The following GPR19 variants were observed in gnomAD, a reference collection of about 807,000 sequenced individuals.
GPR19 encodes the protein probable G protein-coupled receptor 19.
GPR19 carries 14 observed loss-of-function variants against 28.5 expected under a neutral mutation model. That is an observed-to-expected ratio of 0.49 (90% CI 0.32 to 0.77). The LOEUF (loss-of-function observed/expected upper bound fraction) is 0.77, where lower values mean the gene tolerates loss of function less well. Ranked by LOEUF, GPR19 falls within the 30% of genes least tolerant of loss-of-function variation. The pLI is 0.03. For missense variants in GPR19, 409 were observed against 504.1 expected, an observed-to-expected ratio of 0.81 and a Z score of 1.81; for synonymous variants, 173 against 184.1, an observed-to-expected ratio of 0.94 and a Z score of 0.49.
At chr12:12,677,753 T>C (rs1945953546) in intron 3 of GPR19, among the ~76,000 whole-genome samples, 1 of 152,110 alleles carries the variant, frequency 6.6e-6, no homozygotes. Flanking sequence ...TTCAATCCTC[T>C]CTGCATTTCA....
intron 2 of GPR19, among the ~76,000 whole-genome samples, chr12:12,685,713 C>G (rs1946088784): frequency 6.6e-6 from 1 of 152,176 alleles, no homozygotes; most frequent in Non-Finnish European, 1.5e-5. Flanking sequence ...GTTACTCTCC[C>G]CATCCTCCAC....
rs2136315411 is a variant in GPR19 at position 12,661,608 on chromosome 12, A to C, written c.841T>G (p.Leu281Val). The change falls in exon 4 of 4, where the codon TTA (leucine) becomes GTA (valine). Residue 281 changes from leucine to valine, a missense_variant. By Grantham distance (32) the Leu-to-Val change is conservative (BLOSUM62 1). Transcript: ENST00000651487. This position sits in a 1 kb window ranked among gnomAD's most constrained non-coding sequence, Gnocchi z 4.2. ...CAGGAGAGCAAAAACAACAGATTTA[A>C]AATGAGGAACATCTTGATAGTTTTC... ...KVKTIKMFLILNLLFLLSWLP... is the reference protein window; with the variant it reads ...KVKTIKMFLIVNLLFLLSWLP... 6.2e-7 allele frequency: 1 copy of C among 1,614,128 alleles called. No individual in the cohort carries two copies. The highest frequency in any genetic ancestry group is 8.5e-7 in the Non-Finnish European group (1 of 1,179,952).
intron 3 of GPR19, among the ~76,000 whole-genome samples, chr12:12,680,638 C>G (rs1566153093): frequency 6.6e-6 from 1 of 152,034 alleles, no homozygotes; most frequent in Non-Finnish European, 1.5e-5. Context: ...TCCCGAGGAC[C>G]TGGGACCGCA....
At chr12:12,699,448 G>A (rs10845611), upstream of GPR19, among the ~76,000 whole-genome samples, 58,879 of 142,568 alleles carry the variant, frequency 0.41, 12,155 homozygotes, top group South Asian at 0.48. Flanking sequence ...CTGCACTCAG[G>A]TCTTAAGTAT....
Position 12,661,817 on chromosome 12 carries a change from T to A in GPR19, c.632A>T (p.Asn211Ile). 3 of 1,613,616 alleles carry A rather than the reference T, an allele frequency of 1.9e-6. No individual in the cohort carries two copies. The highest frequency in any genetic ancestry group is 2.5e-6 in the Non-Finnish European group (3 of 1,179,916). ...TTCCCAAGAGGAGGGGAGGAAATAG[T>A]TACAATGACTGTCCCAGTTGGAGCC... ...FYGSNWDSHCNYFLPSSWEGT... is the reference protein window; with the variant it reads ...FYGSNWDSHCIYFLPSSWEGT... Residue 211 changes from asparagine to isoleucine, a missense_variant, in exon 4 of 4, where the codon AAC becomes ATC. By Grantham distance (149) the Asn-to-Ile change is moderately radical. Transcript: ENST00000651487. This position sits in a 1 kb window ranked among gnomAD's most constrained non-coding sequence, Gnocchi z 4.2.
At chr12:12,687,952 C>T (rs146651986) in intron 2 of GPR19, among the ~76,000 whole-genome samples, 152 of 152,084 alleles carry the variant, frequency 1.0e-3, no homozygotes, top group Non-Finnish European at 1.9e-3. Flanking sequence ...AGCTAGACTC[C>T]GTCTCTTAAA....
Position 12,688,611 on chromosome 12 carries a change from T to A in GPR19, c.-179-4104A>T, listed in dbSNP as rs367582054. On this transcript the variant is annotated intron_variant, in intron 2 of 3. Transcript: ENST00000651487. ...CCTCAAACCTCATTCCTTGCATTTCTATGGCTGTTCAGGCCAAGTCCACAA... is the reference window on the plus strand; with the variant it reads ...CCTCAAACCTCATTCCTTGCATTTCAATGGCTGTTCAGGCCAAGTCCACAA... 4 of 152,388 alleles carry A rather than the reference T, an allele frequency of 2.6e-5. No individual in the cohort carries two copies. In the East Asian group the frequency reaches 7.7e-4, roughly 29 times the overall value. 9.4% of individuals were successfully genotyped at this position (152,388 alleles called of 1,614,324 possible).
At chr12:12,668,240 T>C (rs73281103) in intron 3 of GPR19, among the ~76,000 whole-genome samples, 4,730 of 152,322 alleles carry the variant, frequency 0.031, 255 homozygotes, top group African/African-American at 0.11. Context: ...TAAAGATGCA[T>C]TCTTCAAATG....
In GPR19 at chr12:12,661,634, A is replaced by C; in HGVS notation, c.815T>G (p.Val272Gly). The C allele has an allele frequency of 6.2e-7, 1 of 1,614,104 alleles. No individual in the cohort carries two copies. Among genetic ancestry groups the C allele is most frequent in the African/African-American group, 1.3e-5 (1 of 75,046 alleles). ...RTMNIVPRTK[V>G]KTIKMFLILN... ...AATGAGGAACATCTTGATAGTTTTCACTTTTGTCCGAGGGACAATGTTCAT... is the reference window on the plus strand; with the variant it reads ...AATGAGGAACATCTTGATAGTTTTCCCTTTTGTCCGAGGGACAATGTTCAT... The change falls in exon 4 of 4, where the codon GTG (valine) becomes GGG (glycine). Residue 272 changes from valine to glycine, a missense_variant. Physicochemically the swap from Val to Gly is moderately radical, Grantham distance 109 (BLOSUM62 -3). Coordinates refer to ENST00000651487, the MANE Select transcript of GPR19 (RefSeq NM_006143.3). This position sits in a 1 kb window ranked among gnomAD's most constrained non-coding sequence, Gnocchi z 4.2.
At chr12:12,668,654 TATTG>T (rs1363227657) in intron 3 of GPR19, among the ~76,000 whole-genome samples, 2 of 150,478 alleles carry the variant, frequency 1.3e-5, no homozygotes, top group Non-Finnish European at 2.9e-5. Flanking sequence ...ATTTTTATAA[TATTG>T]ATTTTTTACA....
At chr12:12,693,509 A>G (rs1451753703) in intron 2 of GPR19, among the ~76,000 whole-genome samples, 3 of 152,228 alleles carry the variant, frequency 2.0e-5, no homozygotes, top group Admixed American at 6.5e-5. Context: ...GCTAGATCAA[A>G]AGACCAGCTT....
At chr12:12,674,209 C>CA (rs35775784) in intron 3 of GPR19, among the ~76,000 whole-genome samples, 1,577 of 53,758 alleles carry the variant, frequency 0.029, 58 homozygotes, top group African/African-American at 0.082. Flanking sequence ...GACTTTGTCT[C>CA]AAAAAAAAAA....
At chr12:12,713,057 C>CTTTTTT in the GPR19 span, among the ~76,000 whole-genome samples, 101 of 108,062 alleles carry the variant, frequency 9.3e-4, 4 homozygotes, top group African/African-American at 3.2e-3. Flanking sequence ...ATCTGATGCG[C>CTTTTTT]TTTTTTTTTT....
At chr12:12,689,780 T>C (rs750903923) in intron 2 of GPR19, among the ~76,000 whole-genome samples, 12 of 152,210 alleles carry the variant, frequency 7.9e-5, no homozygotes, top group Non-Finnish European at 1.3e-4. Flanking sequence ...GTGACAGAAG[T>C]GATTCTGTGA....
intron 2 of GPR19, among the ~76,000 whole-genome samples, chr12:12,691,627 T>TATA (rs1946181769): frequency 6.6e-6 from 1 of 152,224 alleles, no homozygotes. Context: ...TATGTCATAT[T>TATA]GCATTGACTT....
chr12:12,680,774 C>T (rs1353309083), intron 3 of GPR19, among the ~76,000 whole-genome samples: 1 of 152,138 alleles, frequency 6.6e-6, no homozygotes, highest in African/African-American at 2.4e-5. Flanking sequence ...CTGCAACCTC[C>T]ACCTACCGGG....
At chr12:12,662,678 A>G (rs918190817) in intron 3 of GPR19, among the ~76,000 whole-genome samples, 2 of 152,248 alleles carry the variant, frequency 1.3e-5, no homozygotes. Flanking sequence ...CTGTTTCAGC[A>G]GATCTCAGCT....
chr12:12,716,516 A>G, the GPR19 span, among the ~76,000 whole-genome samples: 4 of 152,180 alleles, frequency 2.6e-5, no homozygotes, highest in Admixed American at 1.3e-4. Context: ...TTGGGAAGGA[A>G]GATCCTGGGC....
the GPR19 span, chr12:12,716,908 G>A: frequency 3.0e-6 from 3 of 984,736 alleles, no homozygotes; most frequent in South Asian, 4.7e-5. Flanking sequence ...GGGGCCGCTG[G>A]GGAGGGCCGA....
Sources: gnomAD v4.1 joint callset for allele counts (sites outside exome capture counted in the v4.1 genomes callset) on GRCh38, gnomAD v4.1.1 for gene constraint, Gnocchi (gnomAD v3.1) non-coding constraint, MANE v1.5 for transcripts, NCBI Gene and HGNC (gene_info 2026-07-23, HGNC 2026-07-21) for gene names.